Variants in USH2A observed in about 807,000 individuals in gnomAD.
USH2A encodes the protein Usher syndrome 2A (autosomal recessive, mild).
Under a neutral mutation model 538.9 loss-of-function variants are expected in USH2A, and 443 were observed. The observed-to-expected ratio is 0.82, with a 90% confidence interval of 0.76 to 0.89. The LOEUF (loss-of-function observed/expected upper bound fraction) is 0.89. Among genes scored for constraint, USH2A ranks in the 40% least tolerant of loss-of-function variants. The probability of loss-of-function intolerance (pLI) is 0.00; values close to 1 mark genes in which losing one functional copy is unlikely to be tolerated. For synonymous variants in USH2A, 2,413 were observed against 2,273.5 expected (o/e 1.06, Z -1.75); for missense variants, 6,633 against 6,324.8 (o/e 1.05, Z -1.65).
intron 21 of USH2A, among the ~76,000 whole-genome samples, chr1:216,160,607 TA>T (rs34060140): frequency 0.61 from 91,190 of 150,544 alleles, 29,439 homozygotes; most frequent in East Asian, 0.78. Context: ...CCTCGTCTCT[TA>T]AAAAAAAAAA....
chr1:216,216,737 G>A (rs1331950602), intron 15 of USH2A, among the ~76,000 whole-genome samples: 2 of 152,042 alleles, frequency 1.3e-5, no homozygotes, highest in Admixed American at 6.6e-5. Context: ...ACTGAAAAGC[G>A]ATGTTGAAAA....
At position 215,732,928 on chromosome 1, in the gene USH2A, T is replaced by A. The variant is rs554736206; in HGVS notation, c.11712-4544A>T. On this transcript the variant is annotated intron_variant, in intron 60 of 71. Coordinates refer to ENST00000307340, the MANE Select transcript of USH2A (RefSeq NM_206933.4). ...TTCCAGAAAGTCTTTTCCTTGCTTT[T>A]CTCTCAAATAAGAGTTATCATATCC... Among the ~76,000 whole-genome samples, 3 of 152,244 alleles carry A rather than the reference T, an allele frequency of 2.0e-5. No individual in the cohort carries two copies. The East Asian group carries it at 5.8e-4, about 29-fold the overall frequency.
intron 37 of USH2A, among the ~76,000 whole-genome samples, chr1:215,936,651 T>A (rs1278979544): frequency 6.6e-6 from 1 of 152,116 alleles, no homozygotes; most frequent in Non-Finnish European, 1.5e-5. Flanking sequence ...TGATACATTC[T>A]AGCCATTCAG....
intron 32 of USH2A, among the ~76,000 whole-genome samples, chr1:216,007,135 G>A (rs944100589): frequency 1.3e-5 from 2 of 152,226 alleles, no homozygotes; most frequent in South Asian, 2.1e-4. Context: ...CATGTAAGAT[G>A]TGCCTTTTGC....
intron 37 of USH2A, among the ~76,000 whole-genome samples, chr1:215,940,559 A>G (rs943758199): frequency 2.0e-5 from 3 of 152,148 alleles, no homozygotes; most frequent in Non-Finnish European, 4.4e-5. Context: ...TGTAATTAAT[A>G]TATGGTGAAA....
chr1:216,027,971 C>A (rs919325560), intron 32 of USH2A, among the ~76,000 whole-genome samples: 3 of 152,122 alleles, frequency 2.0e-5, no homozygotes, highest in Non-Finnish European at 2.9e-5. Flanking sequence ...CTAGTCCTAG[C>A]GATGACATTA....
intron 46 of USH2A, 131 bp downstream of exon 46, chr1:215,844,163 T>C: frequency 1.1e-6 from 1 of 948,830 alleles, no homozygotes. Context: ...TCAATTTCCC[T>C]TCTCTCTTTT....
chr1:216,390,646 A>G (rs1176584312), intron 3 of USH2A, among the ~76,000 whole-genome samples: 1 of 152,188 alleles, frequency 6.6e-6, no homozygotes, highest in Non-Finnish European at 1.5e-5. Flanking sequence ...AACTTTGAAG[A>G]TAACTGATGG....
chr1:216,394,997 C>T (rs954944629), intron 3 of USH2A, among the ~76,000 whole-genome samples: 4 of 152,178 alleles, frequency 2.6e-5, no homozygotes, highest in African/African-American at 9.6e-5. Flanking sequence ...GGATTACAGG[C>T]GTGAGCCACC....
chr1:216,086,195 G>T (rs549947464), intron 24 of USH2A, among the ~76,000 whole-genome samples: 2 of 151,966 alleles, frequency 1.3e-5, no homozygotes, highest in East Asian at 1.9e-4. Context: ...TTTGTCTATA[G>T]CTCAATTATA....
chr1:216,273,880 CA>C (rs762654712), intron 11 of USH2A, among the ~76,000 whole-genome samples: 14 of 150,646 alleles, frequency 9.3e-5, no homozygotes, highest in Non-Finnish European at 1.8e-4. Flanking sequence ...ATAAACCATA[CA>C]TACCATTTTT....
At chr1:216,305,416 G>A (rs1350471458) in intron 9 of USH2A, among the ~76,000 whole-genome samples, 2 of 152,104 alleles carry the variant, frequency 1.3e-5, no homozygotes, top group East Asian at 3.9e-4. Flanking sequence ...TGTGTTAGAT[G>A]AGTCTCTTGA....
chr1:215,752,758 C>T lies in USH2A; in HGVS notation c.11389+5837G>A, dbSNP rs891092819. On this transcript the variant is annotated intron_variant, in intron 58 of 71. Coordinates refer to ENST00000307340, the MANE Select transcript of USH2A (RefSeq NM_206933.4). Reference sequence around the variant, plus strand: ...GCTTTTGGTGTTTTAGACATGAAGTCCTTGCCCATACCTATGTCCTGAATG... The same window carrying T: ...GCTTTTGGTGTTTTAGACATGAAGTTCTTGCCCATACCTATGTCCTGAATG... Among the ~76,000 whole-genome samples, 8 of 152,240 alleles carry T rather than the reference C, an allele frequency of 5.3e-5. No homozygotes were observed. In the East Asian group the frequency reaches 1.5e-3, roughly 29 times the overall value.
chr1:215,855,984 T>C (rs1188565241), intron 44 of USH2A, among the ~76,000 whole-genome samples: 4 of 152,166 alleles, frequency 2.6e-5, no homozygotes, highest in Non-Finnish European at 5.9e-5. Context: ...GCAAGCCACA[T>C]GTAGAAGAAT....
At chr1:215,804,129 C>T (rs371232501) in intron 49 of USH2A, among the ~76,000 whole-genome samples, 1 of 152,034 alleles carries the variant, frequency 6.6e-6, no homozygotes, top group Admixed American at 6.6e-5. Flanking sequence ...ATACAAAAAT[C>T]AATTCAAGAT....
intron 49 of USH2A, among the ~76,000 whole-genome samples, chr1:215,808,773 C>T (rs1662575129): frequency 6.6e-6 from 1 of 152,000 alleles, no homozygotes; most frequent in African/African-American, 2.4e-5. Context: ...ACATAGTATT[C>T]CTTTGTTCCA....
intron 3 of USH2A, among the ~76,000 whole-genome samples, chr1:216,402,907 A>G (rs2039332268): frequency 6.6e-6 from 1 of 152,180 alleles, no homozygotes; most frequent in African/African-American, 2.4e-5. Context: ...ACTAAATTAA[A>G]TACTAAATTA....
chr1:215,759,520 T>G lies in USH2A; in HGVS notation c.11231+140A>C, dbSNP rs963225811. ...TCTAAAGACTGAATGATTTAGCACT[T>G]TCATCAGTTATTGAATGGCCAATGA... On this transcript the variant is annotated intron_variant, in intron 57 of 71. Transcript: ENST00000307340. 4 of 994,220 alleles carry G rather than the reference T, an allele frequency of 4.0e-6. No homozygotes were observed. The African/African-American group carries it at 6.5e-5, about 16-fold the overall frequency. The allele number at this position is 994,220 out of a possible 1,614,324, so 61.6% of individuals were successfully genotyped here.
At chr1:215,769,721 A>T (rs1411436574) in intron 55 of USH2A, among the ~76,000 whole-genome samples, 2 of 152,152 alleles carry the variant, frequency 1.3e-5, no homozygotes, top group Non-Finnish European at 2.9e-5. Flanking sequence ...TACTAGAATC[A>T]AGGAGGAATG....
Sources: gnomAD v4.1 joint callset for allele counts (sites outside exome capture counted in the v4.1 genomes callset) on GRCh38, gnomAD v4.1.1 for gene constraint, MANE v1.5 for transcripts, NCBI Gene and HGNC (gene_info 2026-07-23, HGNC 2026-07-21) for gene names.